Variants in RAP1GDS1 observed in about 807,000 individuals in gnomAD.
RAP1GDS1 encodes RAP1, GTP-GDP dissociation stimulator 1.
Under a neutral mutation model 71.1 loss-of-function variants are expected in RAP1GDS1, and 35 were observed. The ratio of observed to expected loss-of-function variants is 0.49; its 90% confidence interval spans 0.38 to 0.65. The LOEUF (loss-of-function observed/expected upper bound fraction) is 0.65. RAP1GDS1 is among the 30% of genes least tolerant of loss of function. The pLI is 0.00. For synonymous variants in RAP1GDS1, 229 were observed against 243.1 expected (o/e 0.94, Z 0.54); for missense variants, 663 against 706.1 (o/e 0.94, Z 0.69).
intron 1 of RAP1GDS1, among the ~76,000 whole-genome samples, chr4:98,285,551 C>T (rs1203500601): frequency 6.6e-6 from 1 of 151,868 alleles, no homozygotes; most frequent in Non-Finnish European, 1.5e-5. Flanking sequence ...ACTGATCTCT[C>T]CAACTGAAAA....
intron 7 of RAP1GDS1, among the ~76,000 whole-genome samples, chr4:98,415,178 T>C (rs189612274): frequency 2.0e-3 from 300 of 152,344 alleles, no homozygotes; most frequent in African/African-American, 7.1e-3. Flanking sequence ...TATGGCTCTA[T>C]TCTGCCTGAC....
chr4:98,330,857 G>T (rs1733894597), intron 2 of RAP1GDS1, among the ~76,000 whole-genome samples: 1 of 152,158 alleles, frequency 6.6e-6, no homozygotes, highest in Admixed American at 6.5e-5. Flanking sequence ...CAGACGATGG[G>T]CGGCCAGGCA....
At chr4:98,412,077 A>G (rs1365397980) in intron 7 of RAP1GDS1, among the ~76,000 whole-genome samples, 3 of 152,228 alleles carry the variant, frequency 2.0e-5, no homozygotes, top group Non-Finnish European at 2.9e-5. Flanking sequence ...AAATTGCCTG[A>G]AAGTCTTAAG....
intron 2 of RAP1GDS1, among the ~76,000 whole-genome samples, chr4:98,309,596 T>C (rs1469267614): frequency 1.3e-5 from 2 of 151,906 alleles, no homozygotes; most frequent in East Asian, 3.9e-4. Context: ...AGCCAAGAAA[T>C]GGAAATGATC....
chr4:98,421,299 C>T lies in RAP1GDS1; in HGVS notation c.1345C>T (p.Arg449Cys), dbSNP rs376393207. 26 of 1,610,774 alleles carry T rather than the reference C, an allele frequency of 1.6e-5. No homozygotes were observed. Among genetic ancestry groups the T allele is most frequent in the South Asian group, 2.2e-5 (2 of 90,422 alleles). Reference protein sequence around the residue: ...QLGKNVKLVERLVEWCEAKDH... With the variant: ...QLGKNVKLVECLVEWCEAKDH... ...GGGAAAGAATGTTAAGTTAGTGGAG[C>T]GTTTGGTGGAATGGTGTGAAGCCAA... is the stretch of plus-strand genomic sequence containing the variant. Residue 449 changes from arginine (R) to cysteine (C), a missense_variant, in exon 12 of 15, where the codon CGT becomes TGT. Physicochemically the swap from Arg to Cys is radical, Grantham distance 180 (BLOSUM62 -3). Coordinates refer to ENST00000408927, the MANE Select transcript of RAP1GDS1 (RefSeq NM_001100427.2).
intron 2 of RAP1GDS1, among the ~76,000 whole-genome samples, chr4:98,299,928 G>GT (rs1474091198): frequency 3.3e-5 from 5 of 152,038 alleles, no homozygotes; most frequent in African/African-American, 1.2e-4. Flanking sequence ...CTCGAAAGTG[G>GT]TTTTTTGAGA....
intron 2 of RAP1GDS1, among the ~76,000 whole-genome samples, chr4:98,324,466 A>T (rs1454544586): frequency 7.3e-5 from 11 of 150,704 alleles, no homozygotes. Flanking sequence ...TCGCCAAGTC[A>T]ATCCTAAGCC....
intron 2 of RAP1GDS1, among the ~76,000 whole-genome samples, chr4:98,335,994 A>T (rs1297624674): frequency 6.6e-6 from 1 of 152,162 alleles, no homozygotes; most frequent in Non-Finnish European, 1.5e-5. Context: ...ACATTAGCAA[A>T]TTGACGACTT....
chr4:98,342,178 A>G (rs946847560), intron 2 of RAP1GDS1, among the ~76,000 whole-genome samples: 1 of 152,198 alleles, frequency 6.6e-6, no homozygotes, highest in Admixed American at 6.5e-5. Context: ...TTCTCAAATT[A>G]TAAAAAATGA....
chr4:98,311,502 C>T (rs1433147121), intron 2 of RAP1GDS1, among the ~76,000 whole-genome samples: 1 of 152,168 alleles, frequency 6.6e-6, no homozygotes, highest in East Asian at 1.9e-4. Context: ...TAGGAAAAAT[C>T]TTACATACCT....
rs150107383 is a variant in RAP1GDS1, at chr4:98,401,685, T to C, written c.638-2792T>C. 2.0e-4 allele frequency among the ~76,000 whole-genome samples: 31 copies of C among 152,346 alleles called. No homozygotes were observed. In the East Asian group the frequency reaches 5.0e-3, roughly 25 times the overall value. On this transcript the variant is annotated intron_variant, in intron 6 of 14. Coordinates refer to ENST00000408927, the MANE Select transcript of RAP1GDS1 (RefSeq NM_001100427.2). ...CCTGTTGAGGATCCATGGCACTTAA[T>C]TGATAGATATAATGTCCAAATTATA...
chr4:98,405,294 T>C (rs1383789623), intron 7 of RAP1GDS1, among the ~76,000 whole-genome samples: 1 of 152,154 alleles, frequency 6.6e-6, no homozygotes, highest in African/African-American at 2.4e-5. Context: ...TAAATGGAAA[T>C]TTCTGAATTG....
At chr4:98,380,908 A>G (rs1685883936) in intron 5 of RAP1GDS1, among the ~76,000 whole-genome samples, 1 of 151,710 alleles carries the variant, frequency 6.6e-6, no homozygotes, top group Non-Finnish European at 1.5e-5. Flanking sequence ...GTTAAAAAAA[A>G]ATCTGTATAG....
intron 4 of RAP1GDS1, 31 bp from the exon 5 acceptor site, chr4:98,378,986 T>A (rs932824238): frequency 5.2e-6 from 8 of 1,530,156 alleles, no homozygotes; most frequent in Non-Finnish European, 7.1e-6. Context: ...TCTTTTTTCT[T>A]TTATTTTTAA....
At chr4:98,328,328 T>C (rs190754403) in intron 2 of RAP1GDS1, among the ~76,000 whole-genome samples, 2 of 152,346 alleles carry the variant, frequency 1.3e-5, no homozygotes, top group East Asian at 1.9e-4. Context: ...AAAAGTAGCA[T>C]TGAGGTGCGT....
intron 9 of RAP1GDS1, among the ~76,000 whole-genome samples, chr4:98,417,994 CAAAT>C (rs1748252999): frequency 6.6e-6 from 1 of 152,124 alleles, no homozygotes; most frequent in Non-Finnish European, 1.5e-5. Flanking sequence ...CCAAAAAACT[CAAAT>C]ACAGTCTAGA....
intron 2 of RAP1GDS1, among the ~76,000 whole-genome samples, chr4:98,300,904 G>T (rs1352405216): frequency 6.6e-6 from 1 of 152,048 alleles, no homozygotes; most frequent in Non-Finnish European, 1.5e-5. Context: ...AACTTTTGTT[G>T]TCATTTGCTT....
At chr4:98,408,106 T>A (rs6815851) in intron 7 of RAP1GDS1, among the ~76,000 whole-genome samples, 29,616 of 118,862 alleles carry the variant, frequency 0.25, 3,326 homozygotes, top group African/African-American at 0.44. Flanking sequence ...ATATATATAT[T>A]TTTTTTTTTC....
rs892904092 is a variant in RAP1GDS1 at position 98,282,229 on chromosome 4, C to T, written c.5-11179C>T. On this transcript the variant is annotated intron_variant, in intron 1 of 14. Transcript: ENST00000408927. Reference sequence around the variant, plus strand: ...CTCTGGTAGAATTCGGCTGTGAATCCGTCTGTCCCTGGACTTTTTTTGGTT... The same window carrying T: ...CTCTGGTAGAATTCGGCTGTGAATCTGTCTGTCCCTGGACTTTTTTTGGTT... Among the ~76,000 whole-genome samples the T allele has an allele frequency of 4.6e-5, 7 of 152,102 alleles. No homozygotes were observed. In the South Asian group the frequency reaches 6.2e-4, roughly 14 times the overall value.
Sources: gnomAD v4.1 joint callset for allele counts (sites outside exome capture counted in the v4.1 genomes callset) on GRCh38, gnomAD v4.1.1 for gene constraint, MANE v1.5 for transcripts, NCBI Gene and HGNC (gene_info 2026-07-23, HGNC 2026-07-21) for gene names.